Variants in CERKL observed in about 807,000 individuals in gnomAD.
CERKL encodes the protein ceramide kinase-like protein.
Under a neutral mutation model 63.4 loss-of-function variants are expected in CERKL, and 61 were observed. The ratio of observed to expected loss-of-function variants is 0.96; its 90% CI spans 0.78 to 1.19. The LOEUF is 1.19. Among genes scored for constraint, CERKL ranks in the 50% most tolerant of loss-of-function variants. The pLI, the probability that CERKL is intolerant of heterozygous loss-of-function variation, is 0.00. For missense variants in CERKL, 675 were observed against 655.5 expected, an observed-to-expected ratio of 1.03 and a Z score of -0.33; for synonymous variants, 250 against 230.5, an observed-to-expected ratio of 1.08 and a Z score of -0.77.
At position 181,605,831 on chromosome 2, in the gene CERKL, C is replaced by G. The variant is rs79651670; in HGVS notation, c.239-1752G>C. On this transcript the variant is annotated intron_variant, in intron 1 of 12. Transcript: ENST00000410087. Reference sequence around the variant, plus strand: ...GCTAAAAGTAACAGAAAGCAGAGACCCTCTCTCAGCTTTTTAGTCCTTGAA... The same window carrying G: ...GCTAAAAGTAACAGAAAGCAGAGACGCTCTCTCAGCTTTTTAGTCCTTGAA... Among the ~76,000 whole-genome samples the G allele has an allele frequency of 4.3e-3, 661 of 152,006 alleles. 6 individuals carry two copies. Among genetic ancestry groups the G allele is most frequent in the African/African-American group, 0.015 (627 of 41,454 alleles).
rs539238207 is a variant in CERKL, at chr2:181,628,041, C to T, written c.239-23962G>A. 2.0e-5 allele frequency among the ~76,000 whole-genome samples: 3 copies of T among 152,268 alleles called. No homozygotes were observed. The East Asian group carries it at 5.8e-4, about 29-fold the overall frequency. On this transcript the variant is annotated intron_variant, in intron 1 of 12. Coordinates refer to ENST00000410087, the MANE Select transcript of CERKL (RefSeq NM_201548.5). The stretch of plus-strand genomic sequence containing the variant: ...GACAGGAATCATTTAAGAACATTCT[C>T]AAAACATAAATGTCTTGTCCTGAAG...
intron 1 of CERKL, among the ~76,000 whole-genome samples, chr2:181,619,827 A>G (rs181568747): frequency 6.6e-6 from 1 of 152,328 alleles, no homozygotes; most frequent in Non-Finnish European, 1.5e-5. Context: ...TTATTAACTT[A>G]CCAGAGGGTG....
chr2:181,583,690 C>T (rs1684635721), intron 2 of CERKL, among the ~76,000 whole-genome samples: 1 of 152,172 alleles, frequency 6.6e-6, no homozygotes, highest in South Asian at 2.1e-4. Flanking sequence ...TCAGAGCTCT[C>T]CTAGTAACTC....
intron 4 of CERKL, among the ~76,000 whole-genome samples, chr2:181,559,318 T>G (rs1174498984): frequency 2.0e-5 from 3 of 152,178 alleles, no homozygotes; most frequent in Admixed American, 6.5e-5. Context: ...TTTTTAAGAC[T>G]TTATATCAAG....
chr2:181,603,975 C>T lies in CERKL; in HGVS notation c.343G>A (p.Gly115Ser), dbSNP rs1685567323. 3.7e-6 allele frequency: 6 copies of T among 1,612,948 alleles called. No individual in the cohort carries two copies. The change falls in exon 2 of 13, where the codon GGT becomes AGT. Residue 115 changes from glycine to serine, a missense_variant. Physicochemically the swap from Gly to Ser is moderately conservative, Grantham distance 56. Transcript: ENST00000410087. ...RRCSVKQQRS[G>S]TLLGITLFIC... ...AAGAGTGTGATACCTAATAAAGTAC[C>T]ACTTCTCTGCTGTTTAACAGAACAA...
intron 1 of CERKL, among the ~76,000 whole-genome samples, chr2:181,621,549 A>C (rs1278370593): frequency 6.6e-6 from 1 of 152,240 alleles, no homozygotes; most frequent in Non-Finnish European, 1.5e-5. Flanking sequence ...TGGTAATTAT[A>C]CAAGTGTGTC....
chr2:181,572,365 A>C (rs953987647), intron 3 of CERKL, among the ~76,000 whole-genome samples: 2 of 152,210 alleles, frequency 1.3e-5, no homozygotes, highest in African/African-American at 4.8e-5. Context: ...CGCATCCTGC[A>C]CTATGTTGAA....
chr2:181,611,690 T>C (rs141494663), intron 1 of CERKL, among the ~76,000 whole-genome samples: 134 of 152,134 alleles, frequency 8.8e-4, no homozygotes, highest in African/African-American at 3.0e-3. Context: ...GTCTCAAAAG[T>C]AAATAAAATG....
chr2:181,538,151 A>G lies in CERKL; in HGVS notation c.*33T>C. 7.2e-7 allele frequency: 1 copy of G among 1,390,390 alleles called. No individual in the cohort carries two copies. Among genetic ancestry groups the G allele is most frequent in the Middle Eastern group, 2.4e-4 (1 of 4,160 alleles). 86.1% of individuals were successfully genotyped at this position (1,390,390 alleles called of 1,614,324 possible). ...CCACATTTCTTTATATTAAAATTCT[A>G]GTTTGTACATTTCTTTTAGAAACAA... On this transcript the variant is annotated 3_prime_UTR_variant, in exon 13 of 13. Transcript: ENST00000410087.
chr2:181,552,071 ATACT>A (rs1446512457), intron 5 of CERKL, among the ~76,000 whole-genome samples: 7 of 152,174 alleles, frequency 4.6e-5, no homozygotes, highest in African/African-American at 1.2e-4. Flanking sequence ...AGAAAGGCAA[ATACT>A]TACTTTTATG....
Position 181,544,765 on chromosome 2 carries a change from C to A in CERKL, c.1300G>T (p.Ala434Ser), listed in dbSNP as rs2105797294. The change falls in exon 11 of 13, where the codon GCC becomes TCC. Residue 434 changes from alanine to serine, a missense_variant. Physicochemically the swap from Ala to Ser is moderately conservative, Grantham distance 99. Coordinates refer to ENST00000410087, the MANE Select transcript of CERKL (RefSeq NM_201548.5). The part of the protein sequence containing the change: ...LNNGSMALII[A>S]RNTSRPEFIK... ...AATTCTGGCCGAGAAGTGTTTCGGG[C>A]AATTATAAGAGCCATACTTCCATTA... 2 of 1,606,448 alleles carry A rather than the reference C, an allele frequency of 1.2e-6. No individual in the cohort carries two copies. Among genetic ancestry groups the A allele is most frequent in the Non-Finnish European group, 1.7e-6 (2 of 1,174,900 alleles).
intron 5 of CERKL, among the ~76,000 whole-genome samples, chr2:181,551,655 T>C (rs72883681): frequency 0.12 from 18,116 of 152,084 alleles, 1,236 homozygotes; most frequent in East Asian, 0.22. Flanking sequence ...AAACAATAGA[T>C]GCTGGTAAGG....
At chr2:181,641,318 TATATATATATATATATATATATATATAC>T (rs1445580169) in intron 1 of CERKL, among the ~76,000 whole-genome samples, 21 of 8,068 alleles carry the variant, frequency 2.6e-3, no homozygotes, top group Admixed American at 6.1e-3. Flanking sequence ...TATATATATA[TATATATATATATATATATATATATATAC>T]ATATATATAC....
intron 1 of CERKL, 103 bp downstream of exon 1, chr2:181,656,666 A>G: frequency 1.0e-6 from 1 of 1,005,016 alleles, no homozygotes; most frequent in Non-Finnish European, 1.4e-6. Flanking sequence ...AGGGGAGGCG[A>G]GAAAAGGGGA....
At position 181,656,763 on chromosome 2, in the gene CERKL, A is replaced by G. The variant is rs749540242; in HGVS notation, c.238+6T>C. The G allele has an allele frequency of 5.0e-6, 8 of 1,585,698 alleles. No homozygotes were observed. Among genetic ancestry groups the G allele is most frequent in the Non-Finnish European group, 6.0e-6 (7 of 1,165,256 alleles). On this transcript the variant is annotated splice_donor_region_variant and intron_variant, in intron 1 of 12. Coordinates refer to ENST00000410087, the MANE Select transcript of CERKL (RefSeq NM_201548.5). ...GAGGCGAAGACGCTTGGGGCCGGGC[A>G]CTCACCCGCCGGGCGCTCGGGCTGA... is the stretch of plus-strand genomic sequence containing the variant.
At chr2:181,559,821 T>A (rs1688362504) in intron 4 of CERKL, among the ~76,000 whole-genome samples, 1 of 152,160 alleles carries the variant, frequency 6.6e-6, no homozygotes, top group Non-Finnish European at 1.5e-5. Flanking sequence ...CCCACCATCT[T>A]TCTCTCGGCC....
chr2:181,563,924 C>T (rs1213671541), intron 4 of CERKL, among the ~76,000 whole-genome samples: 1 of 152,042 alleles, frequency 6.6e-6, no homozygotes, highest in East Asian at 1.9e-4. Flanking sequence ...AAGTGGTCCC[C>T]AACCTTTTTG....
At chr2:181,576,248 T>G (rs1684205270) in intron 2 of CERKL, among the ~76,000 whole-genome samples, 1 of 152,210 alleles carries the variant, frequency 6.6e-6, no homozygotes, top group Non-Finnish European at 1.5e-5. Flanking sequence ...CAATAATTAC[T>G]GATTCAGGTA....
intron 1 of CERKL, 60 bp downstream of exon 1, chr2:181,656,709 G>T: frequency 7.0e-7 from 1 of 1,419,480 alleles, no homozygotes; most frequent in Non-Finnish European, 9.5e-7. Context: ...TGTAGGCCTT[G>T]GGCCGGGGAG....
Sources: gnomAD v4.1 joint callset for allele counts (sites outside exome capture counted in the v4.1 genomes callset) on GRCh38, gnomAD v4.1.1 for gene constraint, MANE v1.5 for transcripts, NCBI Gene and HGNC (gene_info 2026-07-23, HGNC 2026-07-21) for gene names.